The following INO80D variants were observed in gnomAD, a reference collection of about 807,000 sequenced individuals.
INO80D encodes the protein INO80 complex subunit D.
A neutral mutation model predicts 87.6 loss-of-function variants in INO80D; 21 were observed. The observed-to-expected ratio is 0.24, with a 90% confidence interval of 0.17 to 0.35. The LOEUF (loss-of-function observed/expected upper bound fraction) is 0.35. INO80D is among the 10% of genes least tolerant of loss of function. The probability of loss-of-function intolerance (pLI) is 1.00; values close to 1 mark genes in which losing one functional copy is unlikely to be tolerated. For synonymous variants in INO80D, 440 were observed against 491.0 expected (o/e 0.90, Z 1.37); for missense variants, 982 against 1,280.7 (o/e 0.77, Z 3.56).
intron 5 of INO80D, among the ~76,000 whole-genome samples, chr2:206,043,573 C>T (rs552992346): frequency 2.6e-5 from 4 of 151,864 alleles, no homozygotes; most frequent in Non-Finnish European, 4.4e-5. Flanking sequence ...CTGCAAGCTC[C>T]GCCTCCCAGG....
intron 6 of INO80D, among the ~76,000 whole-genome samples, chr2:206,027,154 G>A (rs1039703920): frequency 1.2e-4 from 10 of 81,578 alleles, no homozygotes; most frequent in Non-Finnish European, 2.5e-4. Flanking sequence ...ACGCGCGCAC[G>A]CGCACACACA....
At chr2:206,018,800 G>A (rs891401088) in intron 7 of INO80D, among the ~76,000 whole-genome samples, 5 of 152,122 alleles carry the variant, frequency 3.3e-5, no homozygotes, top group East Asian at 1.9e-4. Flanking sequence ...TACTCAGGAG[G>A]CTGTGATGCA....
At chr2:206,041,168 T>C (rs1027189774) in intron 5 of INO80D, among the ~76,000 whole-genome samples, 1 of 151,178 alleles carries the variant, frequency 6.6e-6, no homozygotes, top group African/African-American at 2.4e-5. Context: ...GAACAAAGAA[T>C]AGGTGAGACA....
chr2:206,016,391 A>C (rs1248502074), intron 8 of INO80D, among the ~76,000 whole-genome samples: 1 of 152,074 alleles, frequency 6.6e-6, no homozygotes, highest in African/African-American at 2.4e-5. Context: ...CTGTACCCCC[A>C]TTGTATCTAG....
At chr2:206,080,847 G>A (rs992844261) in intron 1 of INO80D, among the ~76,000 whole-genome samples, 5 of 136,968 alleles carry the variant, frequency 3.7e-5, no homozygotes, top group Non-Finnish European at 6.1e-5. Context: ...AGCTTGCAGT[G>A]AGCTGAGATC....
At chr2:206,028,951 G>A (rs1315078047) in intron 5 of INO80D, among the ~76,000 whole-genome samples, 2 of 150,958 alleles carry the variant, frequency 1.3e-5, no homozygotes, top group African/African-American at 2.4e-5. Flanking sequence ...GCAGTGATGC[G>A]ATCTCAGCTC....
At chr2:206,070,106 C>T (rs1689921825) in intron 1 of INO80D, among the ~76,000 whole-genome samples, 1 of 151,878 alleles carries the variant, frequency 6.6e-6, no homozygotes, top group Non-Finnish European at 1.5e-5. Context: ...GAAACCCTAT[C>T]TCTACAAAGA....
chr2:206,006,661 C>T (rs1447492377), intron 10 of INO80D, among the ~76,000 whole-genome samples: 4 of 144,726 alleles, frequency 2.8e-5, no homozygotes, highest in East Asian at 2.0e-4. Context: ...CCAGTCTGAG[C>T]GACAGAGCGA....
intron 8 of INO80D, among the ~76,000 whole-genome samples, chr2:206,016,357 G>A (rs933423903): frequency 6.6e-6 from 1 of 152,084 alleles, no homozygotes; most frequent in African/African-American, 2.4e-5. Context: ...TCTCCCATTT[G>A]GAACAGCTGT....
rs1180634292 is a variant in INO80D, at chr2:206,003,162, T to C, written c.*1206A>G. ...TTATATCTAATTTCCATATTCTGCT[T>C]TGAAAGAAACTTTAAAATGTGTATC... On this transcript the variant is annotated 3_prime_UTR_variant, in exon 11 of 11. Transcript: ENST00000403263. 3 of 152,328 alleles carry C rather than the reference T, an allele frequency of 2.0e-5. No individual in the cohort carries two copies. In the East Asian group the frequency reaches 5.8e-4, roughly 29 times the overall value. 9.4% of individuals were successfully genotyped at this position (152,328 alleles called of 1,614,324 possible).
At chr2:206,025,835 T>G (rs1296043214) in intron 6 of INO80D, 3 of 151,986 alleles carry the variant, frequency 2.0e-5, no homozygotes, top group Non-Finnish European at 4.4e-5. Flanking sequence ...GACTGAGACC[T>G]TGTCTGAACG....
At chr2:206,034,599 T>C (rs1187505216) in intron 5 of INO80D, among the ~76,000 whole-genome samples, 1 of 152,094 alleles carries the variant, frequency 6.6e-6, no homozygotes, top group Non-Finnish European at 1.5e-5. Context: ...TACCTCAATA[T>C]AATAAAAGCC....
At chr2:206,040,273 G>A (rs1180759311) in intron 5 of INO80D, among the ~76,000 whole-genome samples, 6 of 137,146 alleles carry the variant, frequency 4.4e-5, no homozygotes, top group Non-Finnish European at 9.3e-5. Flanking sequence ...GTGACAGAGT[G>A]CGACTCTGTC....
chr2:206,081,104 C>G (rs562481850), intron 1 of INO80D, among the ~76,000 whole-genome samples: 1 of 151,980 alleles, frequency 6.6e-6, no homozygotes, highest in Non-Finnish European at 1.5e-5. Flanking sequence ...CTTTTACAGA[C>G]GAAGAAAACT....
intron 1 of INO80D, among the ~76,000 whole-genome samples, chr2:206,072,567 C>T (rs1018550868): frequency 1.3e-5 from 2 of 151,988 alleles, no homozygotes; most frequent in Non-Finnish European, 2.9e-5. Context: ...CATGAGCCAC[C>T]GCGCCTGCCG....
intron 8 of INO80D, among the ~76,000 whole-genome samples, chr2:206,013,848 TA>T (rs34453361): frequency 0.014 from 1,646 of 117,962 alleles, 15 homozygotes; most frequent in African/African-American, 0.04. Flanking sequence ...TGAGTAAGCT[TA>T]AAAAAAAAAA....
intron 6 of INO80D, among the ~76,000 whole-genome samples, chr2:206,026,999 G>T (rs561491002): frequency 1.3e-5 from 2 of 152,238 alleles, no homozygotes; most frequent in South Asian, 4.1e-4. Context: ...TAATAATTAA[G>T]AATTAATCTC....
chr2:206,014,242 T>C (rs1034063618), intron 8 of INO80D, among the ~76,000 whole-genome samples: 1 of 152,156 alleles, frequency 6.6e-6, no homozygotes, highest in African/African-American at 2.4e-5. Context: ...TAATATGTAA[T>C]TGTAATATGT....
At position 206,004,439 on chromosome 2, in the gene INO80D, C is replaced by T; in HGVS notation, c.3013G>A (p.Gly1005Ser). The T allele has an allele frequency of 1.2e-6, 2 of 1,605,448 alleles. No individual in the cohort carries two copies. The highest frequency in any genetic ancestry group is 1.7e-6 in the Non-Finnish European group (2 of 1,176,012). ...PSHSSIAPPTGFTVTGATATS... is the reference protein window; with the variant it reads ...PSHSSIAPPTSFTVTGATATS... ...GCTGTGGCACCTGTTACTGTGAAGCCTGTAGGAGGGGCTATAGAGCTGTGG... is the reference window on the plus strand; with the variant it reads ...GCTGTGGCACCTGTTACTGTGAAGCTTGTAGGAGGGGCTATAGAGCTGTGG... Residue 1005 changes from glycine (G) to serine (S), a missense_variant, in exon 11 of 11, where the codon GGC becomes AGC. By Grantham distance (56) the Gly-to-Ser change is moderately conservative. Transcript: ENST00000403263. This position sits in a 1 kb window ranked among gnomAD's most constrained non-coding sequence, Gnocchi z 4.9.
Sources: allele counts gnomAD v4.1 joint callset (sites outside exome capture counted in the v4.1 genomes callset), GRCh38; gene constraint gnomAD v4.1.1; non-coding constraint Gnocchi (gnomAD v3.1); transcripts MANE v1.5; gene names NCBI Gene and HGNC (gene_info 2026-07-23, HGNC 2026-07-21).